MEGF11: variants seen among roughly 807,000 people sequenced by gnomAD.
The protein encoded by MEGF11 is multiple EGF like domains 11.
In MEGF11, 126 loss-of-function variants were observed where a neutral mutation model predicts 146.6. That is an observed-to-expected ratio of 0.86 (90% CI 0.74 to 1.00). The LOEUF is 1.00. Ranked by LOEUF, MEGF11 falls within the 50% of genes least tolerant of loss-of-function variation. MEGF11 has a pLI of 0.00. For synonymous variants in MEGF11, 532 were observed against 583.4 expected, an observed-to-expected ratio of 0.91 and a Z score of 1.27; for missense variants, 1,509 against 1,521.2, an observed-to-expected ratio of 0.99 and a Z score of 0.13.
rs562834831 is a variant in MEGF11 at position 66,141,411 on chromosome 15, G to A, written c.-8-13000C>T. On this transcript the variant is annotated intron_variant, in intron 1 of 25. Coordinates refer to ENST00000395614, the MANE Select transcript of MEGF11 (RefSeq NM_001385028.1). ...ATGCTATTGTGAGAAAAGAGAAGAC[G>A]ACTGGCTTGGAACTCAGAAGACAAG... Among the ~76,000 whole-genome samples the A allele has an allele frequency of 3.3e-5, 5 of 152,058 alleles. No individual in the cohort carries two copies. The South Asian group carries it at 1.0e-3, about 32-fold the overall frequency.
chr15:66,113,789 G>C (rs559287477), intron 4 of MEGF11, among the ~76,000 whole-genome samples: 1 of 152,202 alleles, frequency 6.6e-6, no homozygotes, highest in East Asian at 1.9e-4. Context: ...GTTGAGGCAG[G>C]AGAATGGTGT....
chr15:66,066,136 C>T (rs8036078), intron 5 of MEGF11, among the ~76,000 whole-genome samples: 118,969 of 152,170 alleles, frequency 0.78, 49,046 homozygotes, highest in East Asian at 0.94. Context: ...TCCCAAATGC[C>T]GGAAGAGGAA....
At chr15:66,228,472 C>T (rs1274693208) in intron 1 of MEGF11, among the ~76,000 whole-genome samples, 1 of 152,126 alleles carries the variant, frequency 6.6e-6, no homozygotes, top group Non-Finnish European at 1.5e-5. Context: ...TGCCCATGCA[C>T]TCACACATGC....
At chr15:65,928,206 C>T (rs563960801) in intron 13 of MEGF11, among the ~76,000 whole-genome samples, 1 of 152,300 alleles carries the variant, frequency 6.6e-6, no homozygotes, top group African/African-American at 2.4e-5. Flanking sequence ...ACTGGAGTGA[C>T]TCCAGTGCCT....
chr15:66,251,315 T>A (rs1024609940), intron 1 of MEGF11, among the ~76,000 whole-genome samples: 1 of 152,188 alleles, frequency 6.6e-6, no homozygotes, highest in African/African-American at 2.4e-5. Context: ...AATCTTGCCT[T>A]CTCCACGGAC....
At chr15:66,243,694 T>C (rs1207833326) in intron 1 of MEGF11, among the ~76,000 whole-genome samples, 1 of 151,660 alleles carries the variant, frequency 6.6e-6, no homozygotes, top group Non-Finnish European at 1.5e-5. Flanking sequence ...GGAGAAAGAG[T>C]TTTGGGGTGT....
chr15:65,899,083 T>G (rs2078428836), intron 24 of MEGF11, 149 bp from the exon 25 acceptor site: 2 of 719,224 alleles, frequency 2.8e-6, no homozygotes, highest in Non-Finnish European at 2.2e-6. Flanking sequence ...TTATTAAATG[T>G]GCTGAGAAGT....
At chr15:65,938,242 A>T (rs1323751686) in intron 10 of MEGF11, among the ~76,000 whole-genome samples, 1 of 152,218 alleles carries the variant, frequency 6.6e-6, no homozygotes, top group Non-Finnish European at 1.5e-5. Flanking sequence ...CTGAGGCCAA[A>T]AAAGGGAAAG....
chr15:66,046,764 T>C (rs534316066), intron 5 of MEGF11, among the ~76,000 whole-genome samples: 7 of 152,318 alleles, frequency 4.6e-5, no homozygotes, highest in African/African-American at 1.4e-4. Flanking sequence ...CTGACTTTGC[T>C]AACACACACA....
intron 5 of MEGF11, among the ~76,000 whole-genome samples, chr15:66,021,914 G>A (rs751910666): frequency 2.0e-5 from 3 of 152,250 alleles, no homozygotes; most frequent in Admixed American, 6.5e-5. Context: ...TCCAGAGTCT[G>A]AGGATGACTT....
intron 13 of MEGF11, 140 bp downstream of exon 13, chr15:65,928,285 A>C: frequency 1.9e-6 from 1 of 538,594 alleles, no homozygotes; most frequent in Non-Finnish European, 3.4e-6. Context: ...GGAGAACTGG[A>C]ACCCAGAGCA....
chr15:65,912,111 T>C lies in MEGF11; in HGVS notation c.2800A>G (p.Ser934Gly). The C allele has an allele frequency of 8.1e-7, 1 of 1,232,170 alleles. No homozygotes were observed. The highest frequency in any genetic ancestry group is 1.6e-5 in the African/African-American group (1 of 64,504). The allele number at this position is 1,232,170 out of a possible 1,614,324, so 76.3% of individuals were successfully genotyped here. The change falls in exon 21 of 26, where the codon AGC becomes GGC. Residue 934 changes from serine to glycine, a missense_variant. By Grantham distance (56) the Ser-to-Gly change is moderately conservative (BLOSUM62 0). Transcript: ENST00000395614. ...ACGGPATSQASTLDRNSPTKL... is the reference protein window; with the variant it reads ...ACGGPATSQAGTLDRNSPTKL... ...GTGGGGCTGTTCCTGTCCAGAGTGC[T>C]GGCCTGGCTGGTGGCAGGCCCCCCA... is the stretch of plus-strand genomic sequence containing the variant.
intron 5 of MEGF11, 119 bp downstream of exon 5, chr15:66,094,283 A>G: frequency 1.4e-6 from 1 of 715,196 alleles, no homozygotes; most frequent in Non-Finnish European, 2.3e-6. Context: ...ACACAGGCCC[A>G]GGTAGCCCAC....
intron 5 of MEGF11, among the ~76,000 whole-genome samples, chr15:66,091,458 G>A (rs1312457888): frequency 2.0e-5 from 3 of 152,206 alleles, no homozygotes; most frequent in South Asian, 4.1e-4. Flanking sequence ...CATCCAGAAG[G>A]AGGTAGAGTT....
intron 5 of MEGF11, among the ~76,000 whole-genome samples, chr15:66,043,258 C>G (rs758260247): frequency 6.6e-5 from 10 of 152,236 alleles, no homozygotes; most frequent in Non-Finnish European, 1.3e-4. Context: ...AAGTGTCTCT[C>G]AGTGCCACTG....
At chr15:65,952,065 A>G (rs749890162) in intron 10 of MEGF11, among the ~76,000 whole-genome samples, 26 of 152,196 alleles carry the variant, frequency 1.7e-4, no homozygotes, top group Non-Finnish European at 2.8e-4. Flanking sequence ...ATAGCATATT[A>G]TTATAATTGT....
intron 10 of MEGF11, among the ~76,000 whole-genome samples, chr15:65,950,947 G>C (rs2080382089): frequency 6.6e-6 from 1 of 152,250 alleles, no homozygotes; most frequent in Admixed American, 6.5e-5. Flanking sequence ...TTACTGTAAA[G>C]CTCAGGAATG....
At chr15:65,925,130 G>A (rs984419353) in intron 13 of MEGF11, among the ~76,000 whole-genome samples, 44 of 152,326 alleles carry the variant, frequency 2.9e-4, no homozygotes, top group Non-Finnish European at 5.9e-4. Context: ...AGGTATTACT[G>A]TGTTCATAAA....
At chr15:65,908,943 A>G in intron 23 of MEGF11, 91 bp downstream of exon 23, 1 of 753,822 alleles carries the variant, frequency 1.3e-6, no homozygotes, top group Non-Finnish European at 2.2e-6. Flanking sequence ...CTGGGACCAC[A>G]GGGTGGGGGT....
Sources: gnomAD v4.1 joint callset for allele counts (sites outside exome capture counted in the v4.1 genomes callset) on GRCh38, gnomAD v4.1.1 for gene constraint, MANE v1.5 for transcripts, NCBI Gene and HGNC (gene_info 2026-07-23, HGNC 2026-07-21) for gene names.